The following PTPRD variants were observed in gnomAD, a reference collection of about 807,000 sequenced individuals.
PTPRD encodes receptor-type tyrosine-protein phosphatase delta.
PTPRD carries 34 observed loss-of-function variants against 214.5 expected under a neutral mutation model. That is an observed-to-expected ratio of 0.16 (90% confidence interval 0.12 to 0.21). PTPRD has a LOEUF of 0.21. Ranked by LOEUF, PTPRD falls within the 10% of genes least tolerant of loss-of-function variation. PTPRD has a pLI of 1.00. For synonymous variants in PTPRD, 1,128 were observed against 845.7 expected, an observed-to-expected ratio of 1.33 and a Z score of -5.79; for missense variants, 2,545 against 2,398.7, an observed-to-expected ratio of 1.06 and a Z score of -1.27.
chr9:9,436,645 C>G (rs1233617001), intron 8 of PTPRD, among the ~76,000 whole-genome samples: 1 of 151,492 alleles, frequency 6.6e-6, no homozygotes, highest in African/African-American at 2.4e-5. Flanking sequence ...TCATTGTTCC[C>G]TCATTCAAAA....
intron 5 of PTPRD, among the ~76,000 whole-genome samples, chr9:9,843,805 G>T (rs1363193646): frequency 6.6e-6 from 1 of 151,882 alleles, no homozygotes; most frequent in Non-Finnish European, 1.5e-5. Context: ...TTTAAATAGA[G>T]GTACAGGAAA....
chr9:9,731,013 A>G (rs1457787325), intron 7 of PTPRD, among the ~76,000 whole-genome samples: 2 of 152,180 alleles, frequency 1.3e-5, no homozygotes, highest in Non-Finnish European at 2.9e-5. Flanking sequence ...CCAGAACTAC[A>G]CACACAGATA....
intron 14 of PTPRD, among the ~76,000 whole-genome samples, chr9:8,629,604 G>A (rs1451068345): frequency 1.3e-5 from 2 of 151,746 alleles, no homozygotes; most frequent in East Asian, 3.9e-4. Flanking sequence ...GTCCTTAGTA[G>A]CCTCAGTACA....
chr9:9,889,348 G>T (rs897026336), intron 5 of PTPRD, among the ~76,000 whole-genome samples: 3 of 151,986 alleles, frequency 2.0e-5, no homozygotes, highest in Non-Finnish European at 2.9e-5. Context: ...ATGTATATAT[G>T]CTTCAAAACA....
chr9:10,384,209 C>T (rs1412780877), intron 2 of PTPRD, among the ~76,000 whole-genome samples: 1 of 151,510 alleles, frequency 6.6e-6, no homozygotes, highest in Non-Finnish European at 1.5e-5. Flanking sequence ...AGGATAAATG[C>T]TTGAAGGAAT....
chr9:9,781,823 C>T (rs1343001100), intron 5 of PTPRD, among the ~76,000 whole-genome samples: 5 of 147,352 alleles, frequency 3.4e-5, no homozygotes, highest in Non-Finnish European at 5.9e-5. Context: ...GACGGAGTCT[C>T]GCTCTGTCGC....
chr9:8,988,501 C>T (rs377188750), intron 11 of PTPRD, among the ~76,000 whole-genome samples: 33 of 152,046 alleles, frequency 2.2e-4, no homozygotes, highest in African/African-American at 8.0e-4. Context: ...TAATAAAATG[C>T]TTGATTTAAT....
chr9:9,691,718 T>G (rs1368041818), intron 7 of PTPRD, among the ~76,000 whole-genome samples: 1 of 152,052 alleles, frequency 6.6e-6, no homozygotes, highest in East Asian at 1.9e-4. Flanking sequence ...TCCATAGTAG[T>G]TGTACTAATT....
intron 14 of PTPRD, among the ~76,000 whole-genome samples, chr9:8,594,851 G>A (rs1392068441): frequency 1.4e-5 from 2 of 139,506 alleles, no homozygotes; most frequent in Non-Finnish European, 3.1e-5. Context: ...AATCATATAT[G>A]TTTAACCCCT....
intron 35 of PTPRD, among the ~76,000 whole-genome samples, chr9:8,431,778 G>A (rs1040945570): frequency 6.6e-6 from 1 of 152,168 alleles, no homozygotes; most frequent in Non-Finnish European, 1.5e-5. Flanking sequence ...CTGGGGCTGG[G>A]ACCAGGAATT....
At chr9:10,480,864 G>A (rs961107964) in intron 2 of PTPRD, among the ~76,000 whole-genome samples, 1 of 152,064 alleles carries the variant, frequency 6.6e-6, no homozygotes, top group African/African-American at 2.4e-5. Flanking sequence ...AAATGCTAGG[G>A]AAATTATCCT....
intron 10 of PTPRD, among the ~76,000 whole-genome samples, chr9:9,160,511 C>T (rs1308671170): frequency 1.3e-5 from 2 of 152,006 alleles, no homozygotes; most frequent in Admixed American, 1.3e-4. Context: ...AGAATGGCTT[C>T]TATGAAAAAG....
chr9:8,924,471 C>G (rs1251307547), intron 11 of PTPRD, among the ~76,000 whole-genome samples: 1 of 152,022 alleles, frequency 6.6e-6, no homozygotes, highest in Non-Finnish European at 1.5e-5. Context: ...CATCAATTTG[C>G]GGAATTTAGA....
intron 5 of PTPRD, among the ~76,000 whole-genome samples, chr9:9,794,403 A>G (rs1565318096): frequency 1.3e-5 from 2 of 151,964 alleles, no homozygotes; most frequent in African/African-American, 2.4e-5. Context: ...ATATAGTGAA[A>G]GGTATGGAGA....
intron 3 of PTPRD, among the ~76,000 whole-genome samples, chr9:10,335,057 G>C (rs2096821743): frequency 6.6e-6 from 1 of 151,602 alleles, no homozygotes; most frequent in Non-Finnish European, 1.5e-5. Flanking sequence ...CAAAACCCCA[G>C]CCAGTTATAT....
At chr9:9,781,879 G>T (rs557289051) in intron 5 of PTPRD, among the ~76,000 whole-genome samples, 1 of 150,296 alleles carries the variant, frequency 6.7e-6, no homozygotes, top group Non-Finnish European at 1.5e-5. Context: ...TGCAAGCTCC[G>T]CCTCCCGAGT....
intron 12 of PTPRD, among the ~76,000 whole-genome samples, chr9:8,689,442 T>A (rs1014167181): frequency 6.6e-6 from 1 of 151,992 alleles, no homozygotes; most frequent in African/African-American, 2.4e-5. Context: ...ACTGGACTTA[T>A]AATTCCACAT....
At chr9:9,390,197 G>C (rs1429956171) in intron 9 of PTPRD, among the ~76,000 whole-genome samples, 2 of 152,150 alleles carry the variant, frequency 1.3e-5, no homozygotes, top group African/African-American at 2.4e-5. Context: ...GCAAGTGAAA[G>C]AGGAAGATGG....
At chr9:9,598,163 T>C (rs1008258213) in intron 7 of PTPRD, among the ~76,000 whole-genome samples, 1 of 151,944 alleles carries the variant, frequency 6.6e-6, no homozygotes, top group Non-Finnish European at 1.5e-5. Flanking sequence ...AATTCCACCA[T>C]GGCACAGAGG....
Sources: allele counts gnomAD v4.1 joint callset (sites outside exome capture counted in the v4.1 genomes callset), GRCh38; gene constraint gnomAD v4.1.1; transcripts MANE v1.5; gene names NCBI Gene and HGNC (gene_info 2026-07-23, HGNC 2026-07-21).